Variants in BNC2 observed in about 807,000 individuals in gnomAD.
BNC2 encodes basonuclin zinc finger protein 2.
BNC2 carries 20 observed loss-of-function variants against 76.3 expected under a neutral mutation model. That is an observed-to-expected ratio of 0.26 (90% CI 0.18 to 0.38). BNC2 has a LOEUF of 0.38. BNC2 is among the 10% of genes least tolerant of loss of function. BNC2 has a pLI of 1.00. For missense variants in BNC2, 1,382 were observed against 1,399.8 expected, an observed-to-expected ratio of 0.99 and a Z score of 0.20; for synonymous variants, 582 against 514.8, an observed-to-expected ratio of 1.13 and a Z score of -1.77.
intron 5 of BNC2, among the ~76,000 whole-genome samples, chr9:16,457,624 T>C (rs1286239467): frequency 2.0e-5 from 3 of 152,194 alleles, no homozygotes; most frequent in African/African-American, 7.2e-5. Flanking sequence ...ACAGTTTTTG[T>C]GGGAGTGGTC....
chr9:16,476,559 TG>T (rs1343189341), intron 5 of BNC2, among the ~76,000 whole-genome samples: 3 of 146,866 alleles, frequency 2.0e-5, no homozygotes, highest in South Asian at 4.3e-4. Context: ...GTGTGTGTGT[TG>T]TTTTTTTTAA....
At chr9:16,491,148 A>C (rs1452216582) in intron 5 of BNC2, among the ~76,000 whole-genome samples, 16 of 152,190 alleles carry the variant, frequency 1.1e-4, no homozygotes, top group Non-Finnish European at 2.2e-4. Context: ...AGGCACCGAG[A>C]GCAAAGACAA....
At chr9:16,742,806 G>A (rs1824889213) in intron 1 of BNC2, among the ~76,000 whole-genome samples, 1 of 152,146 alleles carries the variant, frequency 6.6e-6, no homozygotes, top group African/African-American at 2.4e-5. Flanking sequence ...ATATCCATCA[G>A]ACTAATAAAT....
intron 3 of BNC2, among the ~76,000 whole-genome samples, chr9:16,681,834 C>T (rs1178808265): frequency 2.0e-5 from 3 of 152,210 alleles, no homozygotes; most frequent in Admixed American, 6.5e-5. Flanking sequence ...GGAATCCTTG[C>T]GGTTTAGTCA....
At position 16,415,414 on chromosome 9, in the gene BNC2, C is replaced by T. The variant is rs1027562509; in HGVS notation, c.*3575G>A. 5 of 152,600 alleles carry T rather than the reference C, an allele frequency of 3.3e-5. No homozygotes were observed. The highest frequency in any genetic ancestry group is 1.2e-4 in the African/African-American group (5 of 41,424). The allele number at this position is 152,600 out of a possible 1,614,324, so 9.5% of individuals were successfully genotyped here. ...CACAGTCATACCGCCTAATTTTGTACCTGTGATAAACTCTGGCTAAAACCA... is the reference window on the plus strand; with the variant it reads ...CACAGTCATACCGCCTAATTTTGTATCTGTGATAAACTCTGGCTAAAACCA... On this transcript the variant is annotated 3_prime_UTR_variant, in exon 7 of 7. Transcript: ENST00000380672.
chr9:16,542,171 A>T (rs2132391191), intron 5 of BNC2, among the ~76,000 whole-genome samples: 1 of 152,298 alleles, frequency 6.6e-6, no homozygotes, highest in South Asian at 2.1e-4. Flanking sequence ...TTACAGAGAG[A>T]ACCTTTGGTT....
At chr9:16,669,941 G>T (rs1173263410) in intron 3 of BNC2, among the ~76,000 whole-genome samples, 2 of 152,164 alleles carry the variant, frequency 1.3e-5, no homozygotes, top group African/African-American at 4.8e-5. Context: ...CTTATAATTT[G>T]TGGACCATGA....
chr9:16,817,114 T>A (rs1040971415), intron 1 of BNC2, among the ~76,000 whole-genome samples: 29 of 152,318 alleles, frequency 1.9e-4, no homozygotes, highest in African/African-American at 7.0e-4. Flanking sequence ...ACACTCTGAT[T>A]CCAACTTAAA....
intron 5 of BNC2, among the ~76,000 whole-genome samples, chr9:16,460,217 C>G (rs1191093040): frequency 6.6e-6 from 1 of 151,544 alleles, no homozygotes; most frequent in Non-Finnish European, 1.5e-5. Flanking sequence ...ACTGTTATTA[C>G]AAAGCACTGG....
intron 3 of BNC2, among the ~76,000 whole-genome samples, chr9:16,726,365 T>C (rs1462795696): frequency 6.6e-6 from 1 of 152,216 alleles, no homozygotes; most frequent in Non-Finnish European, 1.5e-5. Flanking sequence ...TTATCCTATT[T>C]AGAATTGTGT....
At chr9:16,726,571 A>G (rs1046488849) in intron 3 of BNC2, among the ~76,000 whole-genome samples, 3 of 151,912 alleles carry the variant, frequency 2.0e-5, no homozygotes, top group Admixed American at 6.6e-5. Flanking sequence ...AAAAAAAAAA[A>G]AAAAAAAGCA....
chr9:16,837,925 T>C (rs1160138361), intron 1 of BNC2, among the ~76,000 whole-genome samples: 1 of 151,694 alleles, frequency 6.6e-6, no homozygotes, highest in East Asian at 1.9e-4. Flanking sequence ...TGAAACTCTG[T>C]CTAAAAAAAA....
At chr9:16,717,857 A>G (rs1824035322) in intron 3 of BNC2, among the ~76,000 whole-genome samples, 1 of 152,230 alleles carries the variant, frequency 6.6e-6, no homozygotes, top group Non-Finnish European at 1.5e-5. Flanking sequence ...TGGCACATAC[A>G]GGAACAGTGA....
At chr9:16,637,685 C>A (rs1821368631) in intron 3 of BNC2, among the ~76,000 whole-genome samples, 1 of 152,194 alleles carries the variant, frequency 6.6e-6, no homozygotes, top group East Asian at 1.9e-4. Context: ...TGTGTACACA[C>A]AACCATGCAT....
At chr9:16,806,940 A>G (rs1446425693) in intron 1 of BNC2, among the ~76,000 whole-genome samples, 1 of 152,174 alleles carries the variant, frequency 6.6e-6, no homozygotes, top group African/African-American at 2.4e-5. Flanking sequence ...TCAGTGCAGC[A>G]CTCACTAGGC....
intron 5 of BNC2, among the ~76,000 whole-genome samples, chr9:16,457,553 A>C (rs1821480482): frequency 6.6e-6 from 1 of 152,170 alleles, no homozygotes; most frequent in African/African-American, 2.4e-5. Flanking sequence ...TCCAGCATTA[A>C]ATTGTGACAA....
At chr9:16,718,896 C>T (rs972530881) in intron 3 of BNC2, among the ~76,000 whole-genome samples, 2 of 152,124 alleles carry the variant, frequency 1.3e-5, no homozygotes, top group Admixed American at 6.5e-5. Flanking sequence ...CATGTCTACG[C>T]ATTACATATA....
chr9:16,754,122 A>G (rs1825306296), intron 1 of BNC2, among the ~76,000 whole-genome samples: 1 of 152,230 alleles, frequency 6.6e-6, no homozygotes, highest in Non-Finnish European at 1.5e-5. Flanking sequence ...TGTCTAAGAT[A>G]AACTCATTAG....
chr9:16,421,756 T>C (rs1820714551), intron 6 of BNC2, among the ~76,000 whole-genome samples: 2 of 152,300 alleles, frequency 1.3e-5, no homozygotes, highest in South Asian at 4.1e-4. Context: ...GACATGTGGG[T>C]ACAACACCAC....
Sources: gnomAD v4.1 joint callset for allele counts (sites outside exome capture counted in the v4.1 genomes callset) on GRCh38, gnomAD v4.1.1 for gene constraint, MANE v1.5 for transcripts, NCBI Gene and HGNC (gene_info 2026-07-23, HGNC 2026-07-21) for gene names.